ARID1B: variants seen among roughly 807,000 people sequenced by gnomAD.
ARID1B encodes the protein AT-rich interaction domain 1B, also known as AT-rich interactive domain-containing protein 1B.
In ARID1B, 30 loss-of-function variants were observed where a neutral mutation model predicts 212.3. That is an observed-to-expected ratio of 0.14 (90% CI 0.11 to 0.19). The LOEUF (loss-of-function observed/expected upper bound fraction) is 0.19. Ranked by LOEUF, ARID1B falls within the 10% of genes least tolerant of loss-of-function variation. The probability of loss-of-function intolerance (pLI) is 1.00; values close to 1 mark genes in which losing one functional copy is unlikely to be tolerated. For synonymous variants in ARID1B, 1,402 were observed against 1,301.7 expected, an observed-to-expected ratio of 1.08 and a Z score of -1.66; for missense variants, 2,891 against 3,204.0, an observed-to-expected ratio of 0.90 and a Z score of 2.36.
Position 157,197,724 on chromosome 6 carries a change from G to T in ARID1B, c.4383-1087G>T, listed in dbSNP as rs182978123. Among the ~76,000 whole-genome samples, 11 of 152,238 alleles carry T rather than the reference G, an allele frequency of 7.2e-5. No homozygotes were observed. The South Asian group carries it at 1.5e-3, about 20-fold the overall frequency. ...GGAAAAGCTACAGATGTTTTTTTGG[G>T]GGGGGTAGCTGGCAAGATTAGAAGA... On this transcript the variant is annotated intron_variant, in intron 16 of 19. Transcript: ENST00000636930.
chr6:156,815,068 AGTG>A lies in ARID1B; in HGVS notation c.1792-14157_1792-14155del, dbSNP rs1276186262. 2.0e-5 allele frequency among the ~76,000 whole-genome samples: 3 copies of A among 152,200 alleles called. No individual in the cohort carries two copies. The South Asian group carries it at 6.2e-4, about 31-fold the overall frequency. On this transcript the variant is annotated intron_variant, in intron 1 of 19. Coordinates refer to ENST00000636930, the MANE Select transcript of ARID1B (RefSeq NM_001374828.1). ...GCTTACGTGTTTTGAGTATACCTAA[AGTG>A]GATATACTTTGTGTCTCCATTGTAA... is the stretch of plus-strand genomic sequence containing the variant.
At position 157,159,354 on chromosome 6, in the gene ARID1B, G is replaced by A. The variant is rs183051436; in HGVS notation, c.3090-7686G>A. Among the ~76,000 whole-genome samples the A allele has an allele frequency of 1.8e-4, 28 of 152,268 alleles. No homozygotes were observed. The East Asian group carries it at 5.0e-3, about 27-fold the overall frequency. On this transcript the variant is annotated intron_variant, in intron 8 of 19. Transcript: ENST00000636930. ...CATGTTTGCATTTTCTTCACACCCC[G>A]ACAAGGAGGCCTCTCGCCTCAGAAC...
intron 3 of ARID1B, among the ~76,000 whole-genome samples, chr6:156,912,972 C>G (rs1790016330): frequency 1.3e-5 from 2 of 151,136 alleles, no homozygotes; most frequent in African/African-American, 4.9e-5. Context: ...TTTACTCTGT[C>G]TAGGCTTTTA....
At chr6:156,872,965 G>A (rs932193849) in intron 2 of ARID1B, among the ~76,000 whole-genome samples, 5 of 152,142 alleles carry the variant, frequency 3.3e-5, no homozygotes, top group Non-Finnish European at 7.4e-5. Context: ...GCTACTCCGT[G>A]TGCTGAAGAC....
At chr6:157,074,706 G>T (rs1479798160) in intron 4 of ARID1B, among the ~76,000 whole-genome samples, 1 of 152,176 alleles carries the variant, frequency 6.6e-6, no homozygotes, top group Admixed American at 6.5e-5. Flanking sequence ...GCCTTTGGGA[G>T]TCCCATGTCT....
At chr6:157,127,925 G>A (rs1788253007) in intron 6 of ARID1B, among the ~76,000 whole-genome samples, 1 of 146,586 alleles carries the variant, frequency 6.8e-6, no homozygotes, top group African/African-American at 2.6e-5. Context: ...GTGCTCCACT[G>A]CACTCCAGCC....
intron 6 of ARID1B, among the ~76,000 whole-genome samples, chr6:157,132,323 G>A (rs1788606521): frequency 6.6e-6 from 1 of 152,210 alleles, no homozygotes. Flanking sequence ...TGGAGGAGTG[G>A]CAGTACCAGT....
chr6:156,912,487 C>T (rs926815994), intron 3 of ARID1B, among the ~76,000 whole-genome samples: 6 of 152,118 alleles, frequency 3.9e-5, no homozygotes, highest in South Asian at 2.1e-4. Flanking sequence ...GAAGACCCTG[C>T]TATTTATTTG....
At chr6:157,120,120 A>C (rs1359925054) in intron 6 of ARID1B, among the ~76,000 whole-genome samples, 1 of 152,218 alleles carries the variant, frequency 6.6e-6, no homozygotes, top group Non-Finnish European at 1.5e-5. Context: ...TTGCTTCTCC[A>C]GGGCATAGCG....
intron 2 of ARID1B, among the ~76,000 whole-genome samples, chr6:156,868,358 A>G (rs998850246): frequency 6.6e-6 from 1 of 152,262 alleles, no homozygotes. Context: ...TGTGATAAAG[A>G]AATGGCTTTA....
At chr6:157,103,792 A>T (rs1786257346) in intron 5 of ARID1B, among the ~76,000 whole-genome samples, 2 of 150,094 alleles carry the variant, frequency 1.3e-5, no homozygotes, top group African/African-American at 4.9e-5. Flanking sequence ...CATAAGTGGC[A>T]TTTATTCCAG....
chr6:157,051,078 C>T (rs1051409618), intron 4 of ARID1B, among the ~76,000 whole-genome samples: 4 of 152,190 alleles, frequency 2.6e-5, no homozygotes, highest in South Asian at 2.1e-4. Context: ...GAGTGGCTTT[C>T]GCCCAATTAT....
At chr6:156,981,475 T>C (rs563529848) in intron 4 of ARID1B, among the ~76,000 whole-genome samples, 2 of 152,294 alleles carry the variant, frequency 1.3e-5, no homozygotes, top group Non-Finnish European at 2.9e-5. Flanking sequence ...ATGATGAAAA[T>C]CAAATGAAAT....
intron 4 of ARID1B, among the ~76,000 whole-genome samples, chr6:156,944,752 T>C (rs1792938465): frequency 6.6e-6 from 1 of 152,168 alleles, no homozygotes; most frequent in Non-Finnish European, 1.5e-5. Flanking sequence ...TACTAAAAAG[T>C]CATTCATAAA....
intron 8 of ARID1B, among the ~76,000 whole-genome samples, chr6:157,155,821 G>A (rs1790539422): frequency 6.6e-6 from 1 of 152,098 alleles, no homozygotes; most frequent in African/African-American, 2.4e-5. Flanking sequence ...CCTCTGCTTG[G>A]AAGAAGCTGG....
At chr6:156,995,941 G>C (rs953140977) in intron 4 of ARID1B, among the ~76,000 whole-genome samples, 1 of 152,170 alleles carries the variant, frequency 6.6e-6, no homozygotes, top group African/African-American at 2.4e-5. Flanking sequence ...ATTCACTTGA[G>C]TGATGAGAAG....
rs1440700911 is a variant in ARID1B at position 157,004,899 on chromosome 6, T to G, written c.2247+69323T>G. On this transcript the variant is annotated intron_variant, in intron 4 of 19. Coordinates refer to ENST00000636930, the MANE Select transcript of ARID1B (RefSeq NM_001374828.1). ...TTTTCTTTTTCTTCTTCTTTTTTCT[T>G]TTTTTTTTTTTTTTTTTTTTTTTTT... is the stretch of plus-strand genomic sequence containing the variant. Among the ~76,000 whole-genome samples, 26 of 43,324 alleles carry G rather than the reference T, an allele frequency of 6.0e-4. 5 individuals carry two copies. Among genetic ancestry groups the G allele is most frequent in the African/African-American group, 2.2e-3 (14 of 6,274 alleles). 28.4% of individuals were successfully genotyped at this position (43,324 alleles called of 152,430 possible).
chr6:157,042,159 A>G (rs1384771044), intron 4 of ARID1B, among the ~76,000 whole-genome samples: 2 of 152,212 alleles, frequency 1.3e-5, no homozygotes, highest in Non-Finnish European at 2.9e-5. Flanking sequence ...GTATTCTTAA[A>G]TATCCTGCCG....
At chr6:156,825,697 G>T (rs1444176549) in intron 1 of ARID1B, among the ~76,000 whole-genome samples, 3 of 152,226 alleles carry the variant, frequency 2.0e-5, no homozygotes, top group African/African-American at 7.2e-5. Context: ...GCCCTGGGCT[G>T]TCTAGATTGA....
Sources: allele counts gnomAD v4.1 joint callset (sites outside exome capture counted in the v4.1 genomes callset), GRCh38; gene constraint gnomAD v4.1.1; transcripts MANE v1.5; gene names NCBI Gene and HGNC (gene_info 2026-07-23, HGNC 2026-07-21).